Variants in ARB2A observed in about 807,000 individuals in gnomAD.
ARB2A encodes the protein cotranscriptional regulator ARB2A.
At chr5:93,833,393 T>C in the ARB2A span, among the ~76,000 whole-genome samples, 10 of 152,200 alleles carry the variant, frequency 6.6e-5, no homozygotes, top group Non-Finnish European at 1.2e-4. Flanking sequence ...TGGTCAAAGA[T>C]ATTCATCACT....
the ARB2A span, among the ~76,000 whole-genome samples, chr5:93,873,522 T>A: frequency 6.6e-6 from 1 of 152,228 alleles, no homozygotes; most frequent in South Asian, 2.1e-4. Context: ...ATATAAAACA[T>A]GACAATGTAA....
At chr5:93,995,928 G>C in the ARB2A span, among the ~76,000 whole-genome samples, 4 of 152,158 alleles carry the variant, frequency 2.6e-5, no homozygotes, top group African/African-American at 4.8e-5. Context: ...TATTGGGTAT[G>C]TAGTTATCTG....
At chr5:94,053,147 A>G in the ARB2A span, 4 of 1,594,230 alleles carry the variant, frequency 2.5e-6, no homozygotes, top group Non-Finnish European at 3.4e-6. Context: ...GCATATTCAA[A>G]TCCTTCCAGG....
At chr5:93,649,090 C>T in the ARB2A span, among the ~76,000 whole-genome samples, 1 of 152,070 alleles carries the variant, frequency 6.6e-6, no homozygotes, top group Admixed American at 6.5e-5. Context: ...GAAATAACAA[C>T]TTGGAACATA....
chr5:93,895,456 G>A, the ARB2A span, among the ~76,000 whole-genome samples: 2 of 152,022 alleles, frequency 1.3e-5, no homozygotes, highest in African/African-American at 4.8e-5. Flanking sequence ...ATTTTAATTT[G>A]TATATATTTT....
the ARB2A span, among the ~76,000 whole-genome samples, chr5:93,854,249 G>A: frequency 6.6e-6 from 1 of 152,166 alleles, no homozygotes; most frequent in Non-Finnish European, 1.5e-5. Context: ...TTGCGTAGAG[G>A]TGTTTGTAGT....
At chr5:93,992,354 A>G in the ARB2A span, among the ~76,000 whole-genome samples, 1 of 152,032 alleles carries the variant, frequency 6.6e-6, no homozygotes, top group Non-Finnish European at 1.5e-5. Context: ...CTCTCACATT[A>G]TATGTGAAGT....
At chr5:94,109,953 C>T in the ARB2A span, among the ~76,000 whole-genome samples, 3 of 142,268 alleles carry the variant, frequency 2.1e-5, no homozygotes, top group South Asian at 2.3e-4. Context: ...GGCATGATGT[C>T]GGCTCACTGC....
At chr5:94,033,395 C>A in the ARB2A span, among the ~76,000 whole-genome samples, 2 of 151,836 alleles carry the variant, frequency 1.3e-5, no homozygotes, top group Admixed American at 6.6e-5. Flanking sequence ...ATTTAGGGGA[C>A]CTTTGTGATG....
the ARB2A span, chr5:93,740,346 A>G: frequency 5.7e-6 from 3 of 525,066 alleles, no homozygotes; most frequent in South Asian, 9.8e-5. Flanking sequence ...CTTTAAACCA[A>G]TGCTAGGGAA....
At chr5:93,862,912 T>C in the ARB2A span, 2 of 152,182 alleles carry the variant, frequency 1.3e-5, no homozygotes, top group African/African-American at 4.8e-5. Context: ...AAATGGGTAA[T>C]TTTTCTGTGC....
chr5:93,841,851 T>C, the ARB2A span, among the ~76,000 whole-genome samples: 1 of 152,330 alleles, frequency 6.6e-6, no homozygotes, highest in Non-Finnish European at 1.5e-5. Flanking sequence ...CTAACAGTAT[T>C]GTGGGCCAGG....
chr5:93,860,264 G>C, the ARB2A span, among the ~76,000 whole-genome samples: 1 of 152,182 alleles, frequency 6.6e-6, no homozygotes, highest in Non-Finnish European at 1.5e-5. Flanking sequence ...CTGCACTCCA[G>C]CCTGGGCAGC....
chr5:93,652,544 A>T, the ARB2A span, among the ~76,000 whole-genome samples: 1 of 152,180 alleles, frequency 6.6e-6, no homozygotes, highest in Admixed American at 6.5e-5. Context: ...CCATTACTGT[A>T]TATTTCCAAC....
chr5:93,763,492 G>T, the ARB2A span, among the ~76,000 whole-genome samples: 1 of 152,116 alleles, frequency 6.6e-6, no homozygotes, highest in Non-Finnish European at 1.5e-5. Flanking sequence ...AACAAGAAGC[G>T]CTAACTACCC....
chr5:93,909,563 C>A, the ARB2A span, among the ~76,000 whole-genome samples: 1 of 150,794 alleles, frequency 6.6e-6, no homozygotes, highest in East Asian at 1.9e-4. Context: ...ATCACCTCTG[C>A]CCCCTGCTGC....
chr5:93,968,468 A>G, the ARB2A span, among the ~76,000 whole-genome samples: 10 of 152,290 alleles, frequency 6.6e-5, no homozygotes, highest in South Asian at 2.1e-4. Flanking sequence ...ATGGCCAAGG[A>G]AAGACTCAAT....
the ARB2A span, among the ~76,000 whole-genome samples, chr5:93,649,917 T>C: frequency 3.1e-4 from 47 of 152,088 alleles, no homozygotes; most frequent in Non-Finnish European, 4.9e-4. Flanking sequence ...AATCAGCCAC[T>C]AGATGCCCAC....
chr5:94,005,293 T>C, the ARB2A span, among the ~76,000 whole-genome samples: 1 of 152,164 alleles, frequency 6.6e-6, no homozygotes, highest in Non-Finnish European at 1.5e-5. Flanking sequence ...AACCTTTGCC[T>C]TTTGGGTTCA....
Sources: gnomAD v4.1 joint callset for allele counts (sites outside exome capture counted in the v4.1 genomes callset) on GRCh38, gnomAD v4.1.1 for gene constraint, MANE v1.5 for transcripts, NCBI Gene and HGNC (gene_info 2026-07-23, HGNC 2026-07-21) for gene names.